PTPRD: variants seen among roughly 807,000 people sequenced by gnomAD.
PTPRD encodes the protein receptor-type tyrosine-protein phosphatase delta.
A neutral mutation model predicts 214.5 loss-of-function variants in PTPRD; 34 were observed. That is an observed-to-expected ratio of 0.16 (90% CI 0.12 to 0.21). The LOEUF (loss-of-function observed/expected upper bound fraction) is 0.21, where lower values mean the gene tolerates loss of function less well. Among genes scored for constraint, PTPRD ranks in the 10% least tolerant of loss-of-function variants. The pLI is 1.00. For synonymous variants in PTPRD, 1,128 were observed against 845.7 expected, an observed-to-expected ratio of 1.33 and a Z score of -5.79; for missense variants, 2,545 against 2,398.7, an observed-to-expected ratio of 1.06 and a Z score of -1.27.
intron 7 of PTPRD, among the ~76,000 whole-genome samples, chr9:9,706,874 A>G (rs1338851196): frequency 1.3e-5 from 2 of 152,188 alleles, no homozygotes; most frequent in Non-Finnish European, 2.9e-5. Context: ...GAGGACATGT[A>G]TTAAATAAAA....
At chr9:8,864,694 A>T (rs193133587) in intron 11 of PTPRD, among the ~76,000 whole-genome samples, 47 of 152,318 alleles carry the variant, frequency 3.1e-4, no homozygotes, top group Admixed American at 2.9e-3. Flanking sequence ...ATAAATGACC[A>T]GTGGCAAGTT....
intron 7 of PTPRD, among the ~76,000 whole-genome samples, chr9:9,643,757 C>A (rs1049210791): frequency 6.6e-6 from 1 of 152,182 alleles, no homozygotes; most frequent in African/African-American, 2.4e-5. Context: ...AATGATTGTT[C>A]TTAGATAATA....
chr9:10,167,446 C>T (rs550147468), intron 3 of PTPRD, among the ~76,000 whole-genome samples: 2 of 152,094 alleles, frequency 1.3e-5, no homozygotes, highest in Non-Finnish European at 2.9e-5. Flanking sequence ...CATATAAAAA[C>T]CCATATATGT....
chr9:10,398,446 C>G (rs2098213833), intron 2 of PTPRD, among the ~76,000 whole-genome samples: 1 of 151,674 alleles, frequency 6.6e-6, no homozygotes, highest in Non-Finnish European at 1.5e-5. Context: ...AACCCATAAC[C>G]CATAACCATG....
chr9:9,719,672 G>A (rs75759106), intron 7 of PTPRD, among the ~76,000 whole-genome samples: 3,073 of 152,240 alleles, frequency 0.02, 112 homozygotes, highest in African/African-American at 0.068. Flanking sequence ...ATGCTGCGGC[G>A]GTGAGGGGAG....
chr9:9,629,985 T>A (rs114210567), intron 7 of PTPRD, among the ~76,000 whole-genome samples: 20,718 of 152,124 alleles, frequency 0.14, 1,853 homozygotes, highest in African/African-American at 0.25. Context: ...CCTCCCTTTT[T>A]TTTCCAGCTT....
intron 3 of PTPRD, among the ~76,000 whole-genome samples, chr9:10,153,788 T>C (rs186979548): frequency 2.0e-5 from 3 of 152,188 alleles, no homozygotes; most frequent in Admixed American, 1.3e-4. Context: ...TGGTATTTGG[T>C]TTTCTGTTCC....
At chr9:10,085,914 C>G (rs1408652592) in intron 3 of PTPRD, among the ~76,000 whole-genome samples, 1 of 151,786 alleles carries the variant, frequency 6.6e-6, no homozygotes, top group South Asian at 2.1e-4. Context: ...ATGAAAGTCT[C>G]TGATCCATGA....
At chr9:9,266,257 A>G (rs1594823722) in intron 9 of PTPRD, among the ~76,000 whole-genome samples, 2 of 151,420 alleles carry the variant, frequency 1.3e-5, no homozygotes. Context: ...TACATATATA[A>G]AGCAAATATT....
intron 14 of PTPRD, among the ~76,000 whole-genome samples, chr9:8,565,054 T>C (rs1298215478): frequency 6.6e-6 from 1 of 152,158 alleles, no homozygotes; most frequent in Non-Finnish European, 1.5e-5. Context: ...ATTATGAAGC[T>C]ACTCACAAAA....
intron 7 of PTPRD, among the ~76,000 whole-genome samples, chr9:9,712,727 T>C (rs1273805292): frequency 6.6e-6 from 1 of 152,196 alleles, no homozygotes; most frequent in Non-Finnish European, 1.5e-5. Flanking sequence ...CTCAGAATAA[T>C]GCAGATTTTC....
intron 8 of PTPRD, among the ~76,000 whole-genome samples, chr9:9,401,259 C>T (rs1434811997): frequency 6.6e-6 from 1 of 152,064 alleles, no homozygotes; most frequent in African/African-American, 2.4e-5. Flanking sequence ...ATAATAATCT[C>T]TGTCTCTATT....
intron 10 of PTPRD, among the ~76,000 whole-genome samples, chr9:9,121,685 G>C (rs895175300): frequency 1.3e-5 from 2 of 152,174 alleles, no homozygotes; most frequent in African/African-American, 4.8e-5. Flanking sequence ...GTGTGGGAGG[G>C]GGGCGAGGGA....
intron 9 of PTPRD, among the ~76,000 whole-genome samples, chr9:9,354,350 C>G (rs1315547669): frequency 6.6e-6 from 1 of 151,736 alleles, no homozygotes; most frequent in Non-Finnish European, 1.5e-5. Context: ...TACTAAAATA[C>G]ATCTCAGTTC....
chr9:9,275,245 T>G (rs1945146385), intron 9 of PTPRD, among the ~76,000 whole-genome samples: 1 of 121,524 alleles, frequency 8.2e-6, no homozygotes, highest in Non-Finnish European at 1.6e-5. Context: ...CTCTTTGAAT[T>G]TGAATTGGGA....
intron 11 of PTPRD, among the ~76,000 whole-genome samples, chr9:8,747,453 G>T (rs2092953237): frequency 6.6e-6 from 1 of 152,062 alleles, no homozygotes; most frequent in Admixed American, 6.6e-5. Context: ...ACCTAAAGAG[G>T]TGGCAGTCTT....
chr9:8,502,471 C>T (rs571670396), intron 23 of PTPRD, among the ~76,000 whole-genome samples: 1 of 152,048 alleles, frequency 6.6e-6, no homozygotes, highest in African/African-American at 2.4e-5. Context: ...TTATTACAGT[C>T]CATCAAAATA....
chr9:10,344,879 C>T (rs2097036953), intron 2 of PTPRD, among the ~76,000 whole-genome samples: 1 of 152,060 alleles, frequency 6.6e-6, no homozygotes, highest in Non-Finnish European at 1.5e-5. Context: ...AAATCAGAAT[C>T]AAATAAATAA....
intron 3 of PTPRD, among the ~76,000 whole-genome samples, chr9:10,036,734 C>T (rs1033521221): frequency 6.6e-6 from 1 of 151,916 alleles, no homozygotes; most frequent in African/African-American, 2.4e-5. Flanking sequence ...CAGGCACGTG[C>T]CACCACACCC....
Sources: gnomAD v4.1 joint callset for allele counts (sites outside exome capture counted in the v4.1 genomes callset) on GRCh38, gnomAD v4.1.1 for gene constraint, MANE v1.5 for transcripts, NCBI Gene and HGNC (gene_info 2026-07-23, HGNC 2026-07-21) for gene names.